SHOX: variants seen among roughly 807,000 people sequenced by gnomAD.
SHOX encodes short stature homeobox protein.
A neutral mutation model predicts 29.6 loss-of-function variants in SHOX; 12 were observed. The ratio of observed to expected loss-of-function variants is 0.41; its 90% CI spans 0.26 to 0.66. The LOEUF (loss-of-function observed/expected upper bound fraction) is 0.66. Ranked by LOEUF, SHOX falls within the 30% of genes least tolerant of loss-of-function variation. The pLI, the probability that SHOX is intolerant of heterozygous loss-of-function variation, is 0.35. For synonymous variants in SHOX, 214 were observed against 200.6 expected, an observed-to-expected ratio of 1.07 and a Z score of -0.57; for missense variants, 499 against 437.7, an observed-to-expected ratio of 1.14 and a Z score of -1.25.
At chrX:655,736 T>C (rs2053138287), downstream of SHOX, among the ~76,000 whole-genome samples, 2 of 151,362 alleles carry the variant, frequency 1.3e-5, no homozygotes, top group African/African-American at 4.9e-5. Context: ...GTATTGAAGA[T>C]TTCCAAGGAA....
At chrX:636,114 T>C (rs1019030635) in intron 2 of SHOX, among the ~76,000 whole-genome samples, 6 of 151,294 alleles carry the variant, frequency 4.0e-5, no homozygotes, top group Non-Finnish European at 8.8e-5. Context: ...GTGTTACATC[T>C]TTCATTATAT....
At chrX:651,641 G>T, downstream of SHOX, among the ~76,000 whole-genome samples, 1 of 107,534 alleles carries the variant, frequency 9.3e-6, no homozygotes, top group Non-Finnish European at 1.8e-5. Context: ...AGGCTTATTG[G>T]AAAAAAAAAA....
At chrX:636,867 A>G (rs2052768195) in intron 2 of SHOX, among the ~76,000 whole-genome samples, 1 of 145,628 alleles carries the variant, frequency 6.9e-6, no homozygotes, top group Non-Finnish European at 1.5e-5. Context: ...TTCAAACACA[A>G]CTTTTCCATC....
At chrX:640,798 A>ATC (rs766164485) in intron 2 of SHOX, 23 bp from the exon 3 acceptor site, 7 of 1,613,790 alleles carry the variant, frequency 4.3e-6, no homozygotes, top group East Asian at 2.2e-5. Context: ...GGCTCTTCAC[A>ATC]TCTCTCTCTG....
Position 631,025 on chromosome X carries a change from T to C in SHOX, c.128T>C (p.Leu43Pro). 2 of 1,613,780 alleles carry C rather than the reference T, an allele frequency of 1.2e-6. No individual in the cohort carries two copies. Among genetic ancestry groups the C allele is most frequent in the South Asian group, 1.1e-5 (1 of 91,052 alleles). The change falls in exon 1 of 5, where the codon CTG becomes CCG. Residue 43 changes from leucine to proline, a missense_variant. By Grantham distance (98) the Leu-to-Pro change is moderately conservative. Coordinates refer to ENST00000686671, the MANE Select transcript of SHOX (RefSeq NM_000451.4). ...TACCGGGAAGTTTTGGAGAGCGGACTGGCGCGCTCCCGGGAGCTGGGGACG... is the reference window on the plus strand; with the variant it reads ...TACCGGGAAGTTTTGGAGAGCGGACCGGCGCGCTCCCGGGAGCTGGGGACG... ...ITYREVLESG[L>P]ARSRELGTSD...
chrX:652,489 A>G (rs1181593103), downstream of SHOX, among the ~76,000 whole-genome samples: 5 of 151,780 alleles, frequency 3.3e-5, no homozygotes, highest in East Asian at 1.9e-4. Flanking sequence ...CTGCCCACAC[A>G]GGGTTCCCAC....
chrX:634,884 G>T (rs1170249778), intron 2 of SHOX, 58 bp downstream of exon 2: 6 of 1,517,540 alleles, frequency 4.0e-6, no homozygotes, highest in African/African-American at 1.4e-5. Context: ...CCTCGGGAGC[G>T]CACAGCACGC....
At chrX:631,926 C>T in intron 1 of SHOX, 1 of 456,106 alleles carries the variant, frequency 2.2e-6, no homozygotes. Context: ...TCTCCACGCG[C>T]CTTCCCAGCG....
intron 2 of SHOX, among the ~76,000 whole-genome samples, chrX:636,140 T>TAA (rs2052742744): frequency 6.7e-6 from 1 of 148,830 alleles, no homozygotes; most frequent in African/African-American, 2.5e-5. Flanking sequence ...TCTCTATATA[T>TAA]AAACATATAT....
At chrX:626,430 T>TCTC (rs2052535888), upstream of SHOX, among the ~76,000 whole-genome samples, 3 of 99,332 alleles carry the variant, frequency 3.0e-5, no homozygotes, top group Non-Finnish European at 6.6e-5. Flanking sequence ...TCTGTCTTCG[T>TCTC]TCCTCTCTCT....
intron 1 of SHOX, chrX:624,694 C>CTCTTTCTTT (rs1556451290): frequency 3.3e-4 from 26 of 78,984 alleles, no homozygotes; most frequent in African/African-American, 1.4e-3. Context: ...TCCTCTCTTC[C>CTCTTTCTTT]TCTTTCTTTT....
Position 645,404 on chromosome X carries a change from T to A in SHOX, c.*768T>A, listed in dbSNP as rs1474742752. ...TTTGGATTGGTATTTTTTTTTTTTT[T>A]TTTTTTTTTTTTTTTTTTTGCTGTG... On this transcript the variant is annotated 3_prime_UTR_variant, in exon 5 of 5. Coordinates refer to ENST00000686671, the MANE Select transcript of SHOX (RefSeq NM_000451.4). 4 of 140,616 alleles carry A rather than the reference T, an allele frequency of 2.8e-5. No homozygotes were observed. Among genetic ancestry groups the A allele is most frequent in the African/African-American group, 1.0e-4 (4 of 38,408 alleles). The allele number at this position is 140,616 out of a possible 1,614,324, so 8.7% of individuals were successfully genotyped here.
At position 645,669 on chromosome X, in the gene SHOX, G is replaced by A. The variant is rs1603288974; in HGVS notation, c.*1033G>A. On this transcript the variant is annotated 3_prime_UTR_variant, in exon 5 of 5. Coordinates refer to ENST00000686671, the MANE Select transcript of SHOX (RefSeq NM_000451.4). ...CTGAGGGCCCTTTGCAAAAATCACG[G>A]GTGTAGAGATGGCCCTGGGCGCGCT... 1.3e-5 allele frequency: 2 copies of A among 152,112 alleles called. No homozygotes were observed. The highest frequency in any genetic ancestry group is 4.8e-5 in the African/African-American group (2 of 41,420). 9.4% of individuals were successfully genotyped at this position (152,112 alleles called of 1,614,324 possible). A position where few individuals can be genotyped will look rare whatever the true frequency, so the allele number is the denominator to read the frequency against.
intron 2 of SHOX, 108 bp from the exon 3 acceptor site, chrX:640,713 C>T (rs1211193153): frequency 4.0e-6 from 5 of 1,253,972 alleles, no homozygotes; most frequent in Admixed American, 3.4e-5. Context: ...CACCTCCCAG[C>T]TCCCAGAGGT....
At chrX:629,579 G>C (rs1267394946), upstream of SHOX, among the ~76,000 whole-genome samples, 1 of 151,158 alleles carries the variant, frequency 6.6e-6, no homozygotes, top group African/African-American at 2.4e-5. Flanking sequence ...CTCCCTGTCT[G>C]TCTCTCTCTT....
rs1214176386 is a variant in SHOX, at chrX:645,388, GTATTT to G, written c.*754_*758del. The G allele has an allele frequency of 7.3e-3, 565 of 77,656 alleles. 49 individuals carry two copies. Among genetic ancestry groups the G allele is most frequent in the Middle Eastern group, 0.018 (2 of 114 alleles). The allele number at this position is 77,656 out of a possible 1,614,324, so 4.8% of individuals were successfully genotyped here. A position where few individuals can be genotyped will look rare whatever the true frequency, so the allele number is the denominator to read the frequency against. ...TTGGGTCTGGTTTTGTTTTGGATTG[GTATTT>G]TTTTTTTTTTTTTTTTTTTTTTTTT... On this transcript the variant is annotated 3_prime_UTR_variant, in exon 5 of 5. Transcript: ENST00000686671.
rs763453221 is a variant in SHOX at position 650,767 on chromosome X, G to C, written c.*6131G>C. ...CTTTGGGAGGTCTGGGGAGGAGAGA[G>C]GCTTTCGGTGGACACGTTTGACATT... On this transcript the variant is annotated 3_prime_UTR_variant, in exon 5 of 5. Transcript: ENST00000686671. 1.5e-5 allele frequency among the ~76,000 whole-genome samples: 2 copies of C among 137,678 alleles called. No homozygotes were observed. Among genetic ancestry groups the C allele is most frequent in the Admixed American group, 7.8e-5 (1 of 12,848 alleles). 90.3% of individuals were successfully genotyped at this position (137,678 alleles called of 152,430 possible). A position where few individuals can be genotyped will look rare whatever the true frequency, so the allele number is the denominator to read the frequency against.
upstream of SHOX, chrX:630,566 C>T: frequency 2.1e-6 from 1 of 472,240 alleles, no homozygotes; most frequent in African/African-American, 1.9e-5. Context: ...CGCGCTCTCC[C>T]TTCCAAAAAT....
downstream of SHOX, among the ~76,000 whole-genome samples, chrX:655,606 CTCTCTCTCTATATATATATATATATATA>C (rs1175433650): frequency 5.7e-3 from 205 of 35,848 alleles, no homozygotes; most frequent in East Asian, 0.022. Context: ...CTCTCTCTCT[CTCTCTCTCTATATATATATATATATATA>C]TATATATATA....
Sources: allele counts gnomAD v4.1 joint callset (sites outside exome capture counted in the v4.1 genomes callset), GRCh38; gene constraint gnomAD v4.1.1; transcripts MANE v1.5; gene names NCBI Gene and HGNC (gene_info 2026-07-23, HGNC 2026-07-21).